MAGI1: variants seen among roughly 807,000 people sequenced by gnomAD.
MAGI1 encodes membrane associated guanylate kinase, WW and PDZ domain containing 1.
In MAGI1, 58 loss-of-function variants were observed where a neutral mutation model predicts 139.9. The observed-to-expected ratio is 0.41, with a 90% confidence interval of 0.34 to 0.52. The LOEUF (loss-of-function observed/expected upper bound fraction) is 0.52, where lower values mean the gene tolerates loss of function less well. MAGI1 is among the 20% of genes least tolerant of loss of function. MAGI1 has a pLI of 0.12. For synonymous variants in MAGI1, 812 were observed against 737.9 expected (o/e 1.10, Z -1.63); for missense variants, 1,874 against 1,901.6 (o/e 0.99, Z 0.27).
chr3:66,016,571 C>T (rs1039476551), intron 1 of MAGI1, among the ~76,000 whole-genome samples: 2 of 152,142 alleles, frequency 1.3e-5, no homozygotes, highest in Non-Finnish European at 2.9e-5. Flanking sequence ...GCCCCAGCAC[C>T]GGAGCTGGAG....
intron 1 of MAGI1, among the ~76,000 whole-genome samples, chr3:65,895,404 T>G (rs2060927679): frequency 6.6e-6 from 1 of 152,206 alleles, no homozygotes; most frequent in African/African-American, 2.4e-5. Context: ...GGTCTGAGTT[T>G]GTGTGACACC....
intron 1 of MAGI1, among the ~76,000 whole-genome samples, chr3:65,667,185 T>C (rs149980107): frequency 6.6e-6 from 1 of 152,170 alleles, no homozygotes; most frequent in Admixed American, 6.5e-5. Context: ...AAGGCTCCCA[T>C]GAAGAAGGGG....
intron 13 of MAGI1, among the ~76,000 whole-genome samples, chr3:65,400,242 A>G (rs1944744812): frequency 6.6e-6 from 1 of 152,196 alleles, no homozygotes; most frequent in African/African-American, 2.4e-5. Context: ...CCCTGAAGTC[A>G]AAGTTCCAAT....
intron 3 of MAGI1, among the ~76,000 whole-genome samples, chr3:65,480,378 C>T (rs1951196118): frequency 6.6e-6 from 1 of 151,646 alleles, no homozygotes; most frequent in African/African-American, 2.4e-5. Context: ...AAAAAATATA[C>T]AAAAATTAGC....
At chr3:65,475,429 G>A (rs1044168459) in intron 4 of MAGI1, among the ~76,000 whole-genome samples, 1 of 152,108 alleles carries the variant, frequency 6.6e-6, no homozygotes, top group East Asian at 1.9e-4. Context: ...GGCCAGGCTG[G>A]TCTTGAACTC....
chr3:65,417,331 GA>G (rs1301674777), intron 12 of MAGI1, among the ~76,000 whole-genome samples: 3 of 151,652 alleles, frequency 2.0e-5, no homozygotes, highest in Non-Finnish European at 2.9e-5. Flanking sequence ...TTAAAGTTGG[GA>G]AAAAAAGACT....
At chr3:65,911,354 C>T (rs1450061603) in intron 1 of MAGI1, among the ~76,000 whole-genome samples, 1 of 151,960 alleles carries the variant, frequency 6.6e-6, no homozygotes, top group East Asian at 1.9e-4. Context: ...GTTGGCTCAT[C>T]CTCCGGGGGA....
chr3:65,790,163 C>T (rs533216119), intron 1 of MAGI1, among the ~76,000 whole-genome samples: 5 of 152,194 alleles, frequency 3.3e-5, no homozygotes, highest in South Asian at 2.1e-4. Flanking sequence ...ACGCTTACCC[C>T]GATTTCACGA....
chr3:65,539,290 A>C (rs1262799458), intron 2 of MAGI1, among the ~76,000 whole-genome samples: 1 of 152,086 alleles, frequency 6.6e-6, no homozygotes, highest in Non-Finnish European at 1.5e-5. Context: ...CTACCATCAA[A>C]CAGAAACAAA....
intron 18 of MAGI1, among the ~76,000 whole-genome samples, chr3:65,374,531 T>C (rs939563918): frequency 2.6e-5 from 4 of 152,184 alleles, no homozygotes; most frequent in Non-Finnish European, 4.4e-5. Context: ...TTGGCCAGGC[T>C]GGTCTCAAAC....
chr3:66,005,538 A>C (rs1280994257), intron 1 of MAGI1, among the ~76,000 whole-genome samples: 8 of 152,034 alleles, frequency 5.3e-5, no homozygotes, highest in Admixed American at 2.0e-4. Flanking sequence ...GCCTCTCCTC[A>C]CCCACTAAGA....
chr3:65,779,105 G>T (rs910113690), intron 1 of MAGI1, among the ~76,000 whole-genome samples: 5 of 152,160 alleles, frequency 3.3e-5, no homozygotes, highest in Non-Finnish European at 7.4e-5. Context: ...AAAATTTTTT[G>T]ACTTTCCAAA....
chr3:65,858,262 C>T (rs2059433666), intron 1 of MAGI1, among the ~76,000 whole-genome samples: 1 of 152,192 alleles, frequency 6.6e-6, no homozygotes, highest in Non-Finnish European at 1.5e-5. Context: ...TCCATGTTGA[C>T]ATAATATGGT....
At chr3:65,722,780 A>C (rs1366339254) in intron 1 of MAGI1, among the ~76,000 whole-genome samples, 1 of 150,182 alleles carries the variant, frequency 6.7e-6, no homozygotes, top group Non-Finnish European at 1.5e-5. Flanking sequence ...CAGAAGTTTC[A>C]CATGAGCAAA....
chr3:65,843,107 T>C (rs1380359651), intron 1 of MAGI1, among the ~76,000 whole-genome samples: 1 of 152,204 alleles, frequency 6.6e-6, no homozygotes, highest in East Asian at 1.9e-4. Flanking sequence ...GCTTATTGAC[T>C]CAATTCTAAT....
intron 3 of MAGI1, among the ~76,000 whole-genome samples, chr3:65,491,025 C>A (rs1951992970): frequency 6.6e-6 from 1 of 152,068 alleles, no homozygotes; most frequent in Admixed American, 6.6e-5. Flanking sequence ...CACAAAGGCA[C>A]CGTTTTCTAC....
chr3:65,498,922 A>C, intron 2 of MAGI1: 1 of 792,746 alleles, frequency 1.3e-6, no homozygotes, highest in South Asian at 5.7e-5. Flanking sequence ...GCTCTCAACC[A>C]TGAGAATATC....
intron 2 of MAGI1, among the ~76,000 whole-genome samples, chr3:65,499,516 G>A (rs1010931242): frequency 6.6e-6 from 1 of 152,114 alleles, no homozygotes; most frequent in Non-Finnish European, 1.5e-5. Flanking sequence ...AGGCATGGTG[G>A]CAGGTAACTG....
intron 1 of MAGI1, among the ~76,000 whole-genome samples, chr3:65,798,776 T>A (rs985843939): frequency 1.3e-5 from 2 of 152,118 alleles, no homozygotes; most frequent in African/African-American, 4.8e-5. Flanking sequence ...AATGAAAAAT[T>A]TCAGAAATAA....
Sources: allele counts gnomAD v4.1 joint callset (sites outside exome capture counted in the v4.1 genomes callset), GRCh38; gene constraint gnomAD v4.1.1; transcripts MANE v1.5; gene names NCBI Gene and HGNC (gene_info 2026-07-23, HGNC 2026-07-21).